POLN: variants seen among roughly 807,000 people sequenced by gnomAD.
POLN encodes DNA polymerase N.
Under a neutral mutation model 113.5 loss-of-function variants are expected in POLN, and 108 were observed. The ratio of observed to expected loss-of-function variants is 0.95; its 90% CI spans 0.81 to 1.12. The LOEUF is 1.12. Ranked by LOEUF, POLN falls within the 50% of genes most tolerant of loss-of-function variation. The probability of loss-of-function intolerance (pLI) is 0.00; values close to 1 mark genes in which losing one functional copy is unlikely to be tolerated. For missense variants in POLN, 1,097 were observed against 1,077.1 expected, an observed-to-expected ratio of 1.02 and a Z score of -0.26; for synonymous variants, 386 against 391.5, an observed-to-expected ratio of 0.99 and a Z score of 0.17.
At chr4:2,142,501 C>A (rs190373592) in intron 16 of POLN, among the ~76,000 whole-genome samples, 9 of 152,320 alleles carry the variant, frequency 5.9e-5, no homozygotes, top group Non-Finnish European at 8.8e-5. Flanking sequence ...ACAACTAAAA[C>A]CCTGGGCAAG....
At chr4:2,185,328 A>G in intron 7 of POLN, among the ~76,000 whole-genome samples, 1 of 152,276 alleles carries the variant, frequency 6.6e-6, no homozygotes, top group East Asian at 1.9e-4. Flanking sequence ...AGATGTGCTC[A>G]GTAAAATCCA....
intron 16 of POLN, among the ~76,000 whole-genome samples, chr4:2,137,861 CAG>C (rs758740495): frequency 9.1e-4 from 139 of 152,206 alleles, no homozygotes; most frequent in Admixed American, 1.9e-3. Context: ...GGTGGGGGAA[CAG>C]AGTCTTACTC....
At position 2,091,329 on chromosome 4, in the gene POLN, C is replaced by T. The variant is rs75427493; in HGVS notation, c.2065+4522G>A. Among the ~76,000 whole-genome samples, 25 of 152,250 alleles carry T rather than the reference C, an allele frequency of 1.6e-4. No homozygotes were observed. In the East Asian group the frequency reaches 4.4e-3, roughly 27 times the overall value. ...ATCTCTGAAGGGCAGCAGGTGGCCCCGGTCCCCAGGCATAAAGAAAGCCCA... is the reference window on the plus strand; with the variant it reads ...ATCTCTGAAGGGCAGCAGGTGGCCCTGGTCCCCAGGCATAAAGAAAGCCCA... On this transcript the variant is annotated intron_variant, in intron 20 of 25. Coordinates refer to ENST00000511885, the MANE Select transcript of POLN (RefSeq NM_181808.4).
rs1049154779 is a variant in POLN, at chr4:2,225,559, A to G, written c.133+3540T>C. 9.2e-5 allele frequency among the ~76,000 whole-genome samples: 14 copies of G among 152,210 alleles called. 1 individual carries two copies. Among genetic ancestry groups the G allele is most frequent in the African/African-American group, 3.4e-4 (14 of 41,514 alleles). ...ACAGAGCAAGACTCCAACTCAAAAA[A>G]AAGAAAGAAAAGAAAAGAAAATTGT... On this transcript the variant is annotated intron_variant, in intron 3 of 25. Coordinates refer to ENST00000511885, the MANE Select transcript of POLN (RefSeq NM_181808.4).
chr4:2,081,862 A>G lies in POLN; in HGVS notation c.2198-119T>C, dbSNP rs34576286. 2,106 of 772,586 alleles carry G rather than the reference A, an allele frequency of 2.7e-3. 35 individuals are homozygous for G. In the African/African-American group the frequency reaches 0.032, roughly 12 times the overall value. The allele number at this position is 772,586 out of a possible 1,614,324, so 47.9% of individuals were successfully genotyped here. A position where few individuals can be genotyped will look rare whatever the true frequency, so the allele number is the denominator to read the frequency against. On this transcript the variant is annotated intron_variant, in intron 21 of 25. Transcript: ENST00000511885. ...CAGCCGCACTGCAGTGCAGACTCCA[A>G]GCCTCCCCTGGGCCCTTCGGGTCTA...
chr4:2,087,770 T>C (rs1730583670), intron 20 of POLN, among the ~76,000 whole-genome samples: 1 of 152,180 alleles, frequency 6.6e-6, no homozygotes, highest in Non-Finnish European at 1.5e-5. Context: ...TGGGGTTATA[T>C]ATTGGATATC....
chr4:2,165,063 ATCATAC>A (rs777479335), intron 13 of POLN, among the ~76,000 whole-genome samples: 2 of 152,152 alleles, frequency 1.3e-5, no homozygotes, highest in Non-Finnish European at 2.9e-5. Flanking sequence ...TCATCCAGCA[ATCATAC>A]TCTTTGGTGC....
In POLN at chr4:2,128,177, C is replaced by A. The variant is rs750621372; in HGVS notation, c.1918G>T (p.Glu640Ter). ...RILTHLSGDP[E>*]LLKLFQESER... Reference sequence around the variant, plus strand: ...GATTCCTGGAATAACTTCAGAAGTTCCGGATCTCCAGATAAATGTGTAAGA... The same window carrying A: ...GATTCCTGGAATAACTTCAGAAGTTACGGATCTCCAGATAAATGTGTAAGA... The change falls in exon 19 of 26, where the codon GAA becomes TAA. Residue 640 changes from glutamate to a stop codon, truncating the protein, a stop_gained. Transcript: ENST00000511885. LOFTEE classifies it high-confidence loss of function. The A allele has an allele frequency of 1.9e-6, 3 of 1,612,900 alleles. No individual in the cohort carries two copies. In the South Asian group the frequency reaches 3.3e-5, roughly 18 times the overall value.
In POLN at chr4:2,092,324, C is replaced by T. The variant is rs374910525; in HGVS notation, c.2065+3527G>A. On this transcript the variant is annotated intron_variant, in intron 20 of 25. Transcript: ENST00000511885. ...AGGATTTGACTCTAGGAGCCATAAA[C>T]ACTCAGATCAAGACCCGAGGAGTCA... Among the ~76,000 whole-genome samples the T allele has an allele frequency of 4.6e-5, 7 of 152,372 alleles. No individual in the cohort carries two copies. The East Asian group carries it at 5.8e-4, about 13-fold the overall frequency.
intron 5 of POLN, among the ~76,000 whole-genome samples, chr4:2,203,947 T>C (rs1462521486): frequency 2.0e-5 from 3 of 150,792 alleles, no homozygotes; most frequent in East Asian, 2.0e-4. Context: ...CCATCTCTAC[T>C]AAATACAAAA....
chr4:2,224,679 G>A lies in POLN; in HGVS notation c.133+4420C>T, dbSNP rs1024452385. On this transcript the variant is annotated intron_variant, in intron 3 of 25. Transcript: ENST00000511885. ...ACAAAAACATAATGCAGCTGGGTGC[G>A]GTGGCTCATGCCTGTAATCTCAGCA... Among the ~76,000 whole-genome samples, 8 of 152,194 alleles carry A rather than the reference G, an allele frequency of 5.3e-5. No homozygotes were observed. In the South Asian group the frequency reaches 8.3e-4, roughly 16 times the overall value.
At chr4:2,241,340 G>T (rs1734978757) in intron 2 of POLN, among the ~76,000 whole-genome samples, 180 bp downstream of exon 2, 1 of 152,168 alleles carries the variant, frequency 6.6e-6, no homozygotes, top group Non-Finnish European at 1.5e-5. Flanking sequence ...TTTTTCCAAA[G>T]ATAAAATGGT....
chr4:2,227,589 T>C (rs1734429653), intron 3 of POLN: 1 of 152,226 alleles, frequency 6.6e-6, no homozygotes, highest in Non-Finnish European at 1.5e-5. Context: ...TCTTTTTCTA[T>C]TACCTTCTCA....
rs907691444 is a variant in POLN at position 2,207,867 on chromosome 4, T to C, written c.714+120A>G. The C allele has an allele frequency of 2.1e-5, 24 of 1,149,958 alleles. No homozygotes were observed. In the Admixed American group the frequency reaches 5.3e-4, roughly 25 times the overall value. 71.2% of individuals were successfully genotyped at this position (1,149,958 alleles called of 1,614,324 possible). The stretch of plus-strand genomic sequence containing the variant: ...GCATACATTGTCAATCACTTACCAC[T>C]GGAGGGGAAGGAAAGCCTTAAAATC... On this transcript the variant is annotated intron_variant, in intron 5 of 25. Transcript: ENST00000511885.
chr4:2,163,808 T>C (rs901823073), intron 13 of POLN, among the ~76,000 whole-genome samples: 4 of 152,210 alleles, frequency 2.6e-5, no homozygotes, highest in Non-Finnish European at 4.4e-5. Flanking sequence ...AGCTGGCAGC[T>C]TCCAAGTGTG....
At chr4:2,226,676 A>C (rs1467651969) in intron 3 of POLN, among the ~76,000 whole-genome samples, 1 of 152,190 alleles carries the variant, frequency 6.6e-6, no homozygotes, top group Non-Finnish European at 1.5e-5. Context: ...AGCAGATAAG[A>C]AAATTAGACC....
chr4:2,188,616 CAA>C (rs1560087370), intron 7 of POLN, among the ~76,000 whole-genome samples: 1 of 90,894 alleles, frequency 1.1e-5, no homozygotes, highest in Non-Finnish European at 1.9e-5. Context: ...AAACAAAAAA[CAA>C]AAAAACAAAA....
At chr4:2,079,470 A>G (rs1427811287) in intron 23 of POLN, 2 of 985,462 alleles carry the variant, frequency 2.0e-6, no homozygotes, top group African/African-American at 1.7e-5. Flanking sequence ...CATGGGTTGT[A>G]TGCATGGGTG....
At chr4:2,202,667 T>C (rs1480649321) in intron 5 of POLN, among the ~76,000 whole-genome samples, 3 of 132,460 alleles carry the variant, frequency 2.3e-5, no homozygotes, top group East Asian at 4.4e-4. Flanking sequence ...GAGGTTGCAG[T>C]GAGCCAAGAC....
Sources: gnomAD v4.1 joint callset for allele counts (sites outside exome capture counted in the v4.1 genomes callset) on GRCh38, gnomAD v4.1.1 for gene constraint, MANE v1.5 for transcripts, NCBI Gene and HGNC (gene_info 2026-07-23, HGNC 2026-07-21) for gene names.